Variants in DLG2 observed in about 807,000 individuals in gnomAD.
DLG2 encodes disks large homolog 2.
In DLG2, 45 loss-of-function variants were observed where a neutral mutation model predicts 132.5. The observed-to-expected ratio is 0.34, with a 90% confidence interval of 0.27 to 0.44. The LOEUF (loss-of-function observed/expected upper bound fraction) is 0.44, where lower values mean the gene tolerates loss of function less well. DLG2 is among the 20% of genes least tolerant of loss of function. DLG2 has a pLI of 1.00. For missense variants in DLG2, 1,045 were observed against 1,196.9 expected (o/e 0.87, Z 1.87); for synonymous variants, 424 against 419.6 (o/e 1.01, Z -0.13).
intron 3 of DLG2, among the ~76,000 whole-genome samples, chr11:85,424,937 T>C (rs551052558): frequency 1.3e-5 from 2 of 152,178 alleles, no homozygotes; most frequent in Non-Finnish European, 2.9e-5. Context: ...ACCCTATCTA[T>C]GGTATTCTGT....
At chr11:84,240,672 T>C (rs1445689219) in intron 8 of DLG2, among the ~76,000 whole-genome samples, 2 of 152,098 alleles carry the variant, frequency 1.3e-5, no homozygotes, top group Non-Finnish European at 2.9e-5. Context: ...GGAAAAGGCA[T>C]TGTGGACTAA....
intron 4 of DLG2, among the ~76,000 whole-genome samples, chr11:85,252,800 G>A (rs1217137101): frequency 6.6e-6 from 1 of 151,936 alleles, no homozygotes; most frequent in Non-Finnish European, 1.5e-5. Flanking sequence ...AAATACACTG[G>A]CAAAAAGAGC....
chr11:84,576,582 G>T (rs1478487289), intron 6 of DLG2, among the ~76,000 whole-genome samples: 1 of 152,084 alleles, frequency 6.6e-6, no homozygotes, highest in Non-Finnish European at 1.5e-5. Flanking sequence ...ACTTAATAAG[G>T]TCCTGTTAAC....
intron 3 of DLG2, among the ~76,000 whole-genome samples, chr11:85,458,596 C>T (rs1597491505): frequency 6.6e-6 from 1 of 152,264 alleles, no homozygotes; most frequent in South Asian, 2.1e-4. Context: ...ACAGTTAGTA[C>T]ACTTCTTTTC....
chr11:84,172,117 T>A (rs1480746550), intron 8 of DLG2, among the ~76,000 whole-genome samples: 3 of 152,238 alleles, frequency 2.0e-5, no homozygotes, highest in Non-Finnish European at 2.9e-5. Flanking sequence ...CAAAATTACT[T>A]ATTTAAACAC....
intron 6 of DLG2, among the ~76,000 whole-genome samples, chr11:84,559,661 T>C (rs2099419393): frequency 6.6e-6 from 1 of 152,136 alleles, no homozygotes; most frequent in African/African-American, 2.4e-5. Flanking sequence ...TGCAAATATG[T>C]GCTATTAGGC....
intron 9 of DLG2, among the ~76,000 whole-genome samples, chr11:84,109,421 T>C (rs2093203735): frequency 6.6e-6 from 1 of 152,138 alleles, no homozygotes. Context: ...TCAAGGGCAT[T>C]GTGTGTTTAG....
intron 5 of DLG2, among the ~76,000 whole-genome samples, chr11:85,142,078 T>G (rs917218367): frequency 1.3e-5 from 2 of 151,888 alleles, no homozygotes; most frequent in Non-Finnish European, 2.9e-5. Flanking sequence ...AGGATTACTT[T>G]GTTATTTCTG....
At chr11:84,177,758 T>A (rs926119994) in intron 8 of DLG2, among the ~76,000 whole-genome samples, 2 of 152,122 alleles carry the variant, frequency 1.3e-5, no homozygotes, top group African/African-American at 4.8e-5. Context: ...TTGTGAAGGA[T>A]AAATGAACTA....
intron 3 of DLG2, among the ~76,000 whole-genome samples, chr11:85,420,617 G>A (rs940270734): frequency 6.6e-6 from 1 of 152,186 alleles, no homozygotes; most frequent in African/African-American, 2.4e-5. Context: ...CTTTCTTTCA[G>A]AGATGTCCTG....
rs150572165 is a variant in DLG2, at chr11:83,936,083, T to C, written c.1341-5600A>G. ...CAAGGATGCATAACCTCAGAAAATG[T>C]TGGTCCCCTTTGTGAGAATTCCTAC... On this transcript the variant is annotated intron_variant, in intron 14 of 27. Coordinates refer to ENST00000376104, the MANE Select transcript of DLG2 (RefSeq NM_001142699.3). Among the ~76,000 whole-genome samples the C allele has an allele frequency of 3.4e-3, 515 of 152,320 alleles. 4 individuals carry two copies. Among genetic ancestry groups the C allele is most frequent in the African/African-American group, 0.012 (487 of 41,560 alleles).
At chr11:83,505,615 C>T (rs1237431900) in intron 21 of DLG2, among the ~76,000 whole-genome samples, 1 of 152,138 alleles carries the variant, frequency 6.6e-6, no homozygotes, top group Non-Finnish European at 1.5e-5. Context: ...ACCAATTTTC[C>T]AATCATGCTT....
intron 14 of DLG2, among the ~76,000 whole-genome samples, chr11:83,958,414 G>A (rs2087507102): frequency 6.6e-6 from 1 of 152,102 alleles, no homozygotes; most frequent in Non-Finnish European, 1.5e-5. Flanking sequence ...TAAATGATGT[G>A]AGGGACCAAT....
In DLG2 at chr11:85,579,029, C is replaced by T. The variant is rs11822495; in HGVS notation, c.40+19628G>A. Among the ~76,000 whole-genome samples the T allele has an allele frequency of 9.1e-3, 1,392 of 152,226 alleles. 19 individuals are homozygous for T. The highest frequency in any genetic ancestry group is 0.03 in the African/African-American group (1,242 of 41,546). On this transcript the variant is annotated intron_variant, in intron 3 of 27. Transcript: ENST00000376104. ...GGATAAAGAAAATATGGCGTATATA[C>T]ACCATGGAATACTACACAGCCATAA...
At chr11:85,449,841 AT>A (rs2092165791) in intron 3 of DLG2, among the ~76,000 whole-genome samples, 1 of 151,722 alleles carries the variant, frequency 6.6e-6, no homozygotes. Context: ...AATGACGTAA[AT>A]TTTGACTAGG....
intron 6 of DLG2, among the ~76,000 whole-genome samples, chr11:84,728,471 G>T (rs1295456619): frequency 6.6e-6 from 1 of 152,138 alleles, no homozygotes; most frequent in Non-Finnish European, 1.5e-5. Context: ...GCTTCCTGAT[G>T]TGCTGCTGGA....
At chr11:83,866,078 T>C (rs537890482) in intron 16 of DLG2, among the ~76,000 whole-genome samples, 25 of 148,164 alleles carry the variant, frequency 1.7e-4, no homozygotes, top group Admixed American at 7.4e-4. Flanking sequence ...CAGTCCCCCC[T>C]TTTTTTTTCA....
At chr11:84,335,045 G>A (rs2098477399) in intron 7 of DLG2, among the ~76,000 whole-genome samples, 1 of 150,182 alleles carries the variant, frequency 6.7e-6, no homozygotes, top group African/African-American at 2.4e-5. Context: ...AAAAATATAT[G>A]ATTTAATACT....
intron 6 of DLG2, among the ~76,000 whole-genome samples, chr11:85,057,279 C>T (rs371888279): frequency 6.6e-5 from 10 of 151,492 alleles, no homozygotes; most frequent in East Asian, 5.8e-4. Context: ...TTAGAAAAGG[C>T]TTTAAAATGA....
Sources: allele counts gnomAD v4.1 joint callset (sites outside exome capture counted in the v4.1 genomes callset), GRCh38; gene constraint gnomAD v4.1.1; transcripts MANE v1.5; gene names NCBI Gene and HGNC (gene_info 2026-07-23, HGNC 2026-07-21).